The following RNF115 variants were observed in gnomAD, a reference collection of about 807,000 sequenced individuals.
RNF115 encodes E3 ubiquitin-protein ligase RNF115.
In RNF115, 31 loss-of-function variants were observed where a neutral mutation model predicts 39.2. The observed-to-expected ratio is 0.79, with a 90% CI of 0.59 to 1.07. RNF115 has a LOEUF of 1.07. RNF115 is among the 50% of genes least tolerant of loss of function. RNF115 has a pLI of 0.00. For synonymous variants in RNF115, 124 were observed against 131.0 expected (o/e 0.95, Z 0.37); for missense variants, 384 against 381.7 (o/e 1.01, Z -0.05).
intron 3 of RNF115, among the ~76,000 whole-genome samples, chr1:145,776,073 T>C (rs587654356): frequency 7.9e-5 from 9 of 114,128 alleles, no homozygotes; most frequent in Non-Finnish European, 1.5e-4. Context: ...TTTCAGGCCA[T>C]GGTTGACCAC....
rs1201261604 is a variant in RNF115, at chr1:145,740,412, G to A, written c.*6454C>T. On this transcript the variant is annotated 3_prime_UTR_variant, in exon 9 of 9. Coordinates refer to ENST00000582693, the MANE Select transcript of RNF115 (RefSeq NM_014455.4). ...ATCCCACTTTGTACATACCAACTGAGTCTTGCTTCTAAAGAGTTTATTTAC... is the reference window on the plus strand; with the variant it reads ...ATCCCACTTTGTACATACCAACTGAATCTTGCTTCTAAAGAGTTTATTTAC... 1 of 152,212 alleles carries A rather than the reference G, an allele frequency of 6.6e-6. No individual in the cohort carries two copies. Among genetic ancestry groups the A allele is most frequent in the Non-Finnish European group, 1.5e-5 (1 of 68,036 alleles). The allele number at this position is 152,212 out of a possible 1,614,324, so 9.4% of individuals were successfully genotyped here. A position where few individuals can be genotyped will look rare whatever the true frequency, so the allele number is the denominator to read the frequency against.
At chr1:145,764,264 C>A (rs1658655605) in intron 4 of RNF115, among the ~76,000 whole-genome samples, 1 of 152,242 alleles carries the variant, frequency 6.6e-6, no homozygotes, top group African/African-American at 2.4e-5. Flanking sequence ...CGGCTCGCTA[C>A]AACCTCCACC....
At chr1:145,816,111 G>A (rs1649984718) in intron 1 of RNF115, among the ~76,000 whole-genome samples, 1 of 32,738 alleles carries the variant, frequency 3.1e-5, no homozygotes, top group Non-Finnish European at 4.7e-5. Context: ...CTTTTTGCGA[G>A]TGCAATGGCA....
intron 1 of RNF115, among the ~76,000 whole-genome samples, chr1:145,809,204 T>G (rs1276719422): frequency 2.1e-5 from 2 of 94,896 alleles, no homozygotes; most frequent in Admixed American, 1.2e-4. Flanking sequence ...TTTTTTTTTT[T>G]GAGACAGAGT....
intron 4 of RNF115, among the ~76,000 whole-genome samples, chr1:145,757,924 C>G (rs1168148329): frequency 3.9e-5 from 6 of 152,192 alleles, no homozygotes; most frequent in African/African-American, 1.4e-4. Flanking sequence ...AAAAGGACAG[C>G]TACCTATATT....
chr1:145,753,283 G>A (rs1658165662), intron 4 of RNF115, among the ~76,000 whole-genome samples: 1 of 152,152 alleles, frequency 6.6e-6, no homozygotes, highest in Non-Finnish European at 1.5e-5. Context: ...TGTGAATTAA[G>A]CTGGAAAGGG....
intron 1 of RNF115, among the ~76,000 whole-genome samples, chr1:145,795,162 G>C (rs1648912667): frequency 2.0e-5 from 3 of 152,040 alleles, no homozygotes; most frequent in Admixed American, 2.0e-4. Context: ...GAGTGTTACA[G>C]CTCTTAAAGT....
chr1:145,768,300 C>T (rs985895802), intron 4 of RNF115, among the ~76,000 whole-genome samples: 2 of 152,232 alleles, frequency 1.3e-5, no homozygotes, highest in Non-Finnish European at 2.9e-5. Flanking sequence ...CAGACCTGGA[C>T]CCTGTTGGCG....
At chr1:145,773,047 CCTA>C (rs1647711136) in intron 3 of RNF115, 1 of 152,108 alleles carries the variant, frequency 6.6e-6, no homozygotes. Flanking sequence ...TTTCTCTTTG[CCTA>C]CTTTTAAAAA....
At position 145,751,299 on chromosome 1, in the gene RNF115, A is replaced by G. The variant is rs1571706129; in HGVS notation, c.573+139T>C. On this transcript the variant is annotated intron_variant, in intron 6 of 8. Transcript: ENST00000582693. ...AACCCCATAAATCATTCATCCCTTT[A>G]GTAAAATGGAAACCCCAAAGCTCAA... 4 of 597,254 alleles carry G rather than the reference A, an allele frequency of 6.7e-6. No individual in the cohort carries two copies. In the East Asian group the frequency reaches 1.2e-4, roughly 17 times the overall value. The allele number at this position is 597,254 out of a possible 1,614,324, so 37.0% of individuals were successfully genotyped here. A position where few individuals can be genotyped will look rare whatever the true frequency, so the allele number is the denominator to read the frequency against.
At position 145,751,493 on chromosome 1, in the gene RNF115, G is replaced by A. The variant is rs782187405; in HGVS notation, c.518C>T (p.Ser173Phe). The A allele has an allele frequency of 6.9e-6, 11 of 1,598,806 alleles. No homozygotes were observed. The highest frequency in any genetic ancestry group is 1.3e-5 in the African/African-American group (1 of 74,728). Residue 173 changes from serine to phenylalanine, a missense_variant, in exon 6 of 9, where the codon TCC (serine) becomes TTC (phenylalanine). Coordinates refer to ENST00000582693, the MANE Select transcript of RNF115 (RefSeq NM_014455.4). ...HPFSWSGMLHSNPGDYAWGQT... is the reference protein window; with the variant it reads ...HPFSWSGMLHFNPGDYAWGQT... ...ACCCCAGGCATAGTCCCCAGGGTTG[G>A]AGTGCAGCATCCCGCTCCTATACGT...
chr1:145,776,096 G>GGA (rs1246214707), intron 3 of RNF115, among the ~76,000 whole-genome samples: 1 of 149,812 alleles, frequency 6.7e-6, no homozygotes, highest in African/African-American at 2.5e-5. Flanking sequence ...GGTAAGGGGG[G>GGA]GGCTACTGTA....
chr1:145,766,002 CTTTTTT>C (rs879951491), intron 4 of RNF115, among the ~76,000 whole-genome samples: 2 of 140,450 alleles, frequency 1.4e-5, no homozygotes, highest in African/African-American at 5.2e-5. Context: ...TACTCTTTTT[CTTTTTT>C]TTTTTTTTAA....
At chr1:145,794,180 T>C (rs1375333053) in intron 1 of RNF115, among the ~76,000 whole-genome samples, 2 of 152,190 alleles carry the variant, frequency 1.3e-5, no homozygotes, top group African/African-American at 2.4e-5. Flanking sequence ...CCTGCTTCTC[T>C]TTTAGTCCTT....
chr1:145,820,362 G>A (rs1650181656), intron 1 of RNF115, among the ~76,000 whole-genome samples: 1 of 151,860 alleles, frequency 6.6e-6, no homozygotes, highest in Non-Finnish European at 1.5e-5. Flanking sequence ...CTACTCAGGA[G>A]GATATAGTGG....
chr1:145,778,789 G>C (rs1553716906), intron 3 of RNF115, among the ~76,000 whole-genome samples: 1 of 152,162 alleles, frequency 6.6e-6, no homozygotes, highest in Non-Finnish European at 1.5e-5. Flanking sequence ...GAATGATGTA[G>C]CTGATTAGTG....
intron 1 of RNF115, among the ~76,000 whole-genome samples, chr1:145,792,679 T>C (rs1648731330): frequency 6.6e-6 from 1 of 152,054 alleles, no homozygotes. Context: ...CCTAAAATAT[T>C]TGTCCAATGA....
chr1:145,763,198 G>A lies in RNF115; in HGVS notation c.428+8513C>T, dbSNP rs947589575. ...AAAAATAAAAACCAAACCTGTACAC[G>A]TACCCCCGAATCTAAAATAAAAATA... On this transcript the variant is annotated intron_variant, in intron 4 of 8. Coordinates refer to ENST00000582693, the MANE Select transcript of RNF115 (RefSeq NM_014455.4). 2.6e-5 allele frequency among the ~76,000 whole-genome samples: 4 copies of A among 151,954 alleles called. No homozygotes were observed. The South Asian group carries it at 8.3e-4, about 32-fold the overall frequency.
chr1:145,805,391 T>C (rs1649417303), intron 1 of RNF115, among the ~76,000 whole-genome samples: 1 of 148,494 alleles, frequency 6.7e-6, no homozygotes, highest in Admixed American at 6.7e-5. Context: ...ATTTATAAAA[T>C]AGTTCTAAAA....
Sources: allele counts gnomAD v4.1 joint callset (sites outside exome capture counted in the v4.1 genomes callset), GRCh38; gene constraint gnomAD v4.1.1; transcripts MANE v1.5; gene names NCBI Gene and HGNC (gene_info 2026-07-23, HGNC 2026-07-21).